Variants in PEX5L observed in about 807,000 individuals in gnomAD.
PEX5L encodes the protein peroxisomal biogenesis factor 5 like, also known as PEX5-related protein.
PEX5L carries 30 observed loss-of-function variants against 84.0 expected under a neutral mutation model. The observed-to-expected ratio is 0.36, with a 90% CI of 0.27 to 0.48. The LOEUF (loss-of-function observed/expected upper bound fraction) is 0.48. PEX5L is among the 20% of genes least tolerant of loss of function. The pLI is 0.99. For missense variants in PEX5L, 533 were observed against 754.6 expected, an observed-to-expected ratio of 0.71 and a Z score of 3.44; for synonymous variants, 270 against 283.1, an observed-to-expected ratio of 0.95 and a Z score of 0.46.
At chr3:179,986,184 CTTTATG>C (rs2110349036) in intron 1 of PEX5L, among the ~76,000 whole-genome samples, 1 of 130,266 alleles carries the variant, frequency 7.7e-6, no homozygotes, top group African/African-American at 2.8e-5. Context: ...ATATATATAA[CTTTATG>C]TTTATGCAAT....
intron 14 of PEX5L, 57 bp from the exon 15 acceptor site, chr3:179,802,089 T>C (rs1193040942): frequency 1.6e-6 from 2 of 1,260,724 alleles, no homozygotes; most frequent in Non-Finnish European, 2.3e-6. Context: ...TTAGCAAATG[T>C]AAACAAAACA....
chr3:179,937,147 C>T (rs1165339161), intron 2 of PEX5L, among the ~76,000 whole-genome samples: 1 of 152,032 alleles, frequency 6.6e-6, no homozygotes, highest in Admixed American at 6.5e-5. Context: ...CCTTAAGGAG[C>T]TTCAGGCCAT....
intron 2 of PEX5L, among the ~76,000 whole-genome samples, chr3:179,940,354 G>T (rs2109786309): frequency 1.3e-5 from 2 of 152,184 alleles, no homozygotes; most frequent in South Asian, 4.2e-4. Flanking sequence ...AGAGAGAAGA[G>T]TGAAATTGAA....
intron 3 of PEX5L, among the ~76,000 whole-genome samples, chr3:179,889,777 A>G (rs1757043275): frequency 6.6e-6 from 1 of 152,134 alleles, no homozygotes; most frequent in South Asian, 2.1e-4. Context: ...AATATTTTTA[A>G]ATGTTGAGGG....
chr3:179,822,902 C>A (rs1318625247), intron 8 of PEX5L, among the ~76,000 whole-genome samples: 1 of 152,160 alleles, frequency 6.6e-6, no homozygotes, highest in Non-Finnish European at 1.5e-5. Context: ...CTTGGATGGA[C>A]CTGGGTCAAA....
At chr3:180,025,958 G>A (rs977127399) in intron 1 of PEX5L, among the ~76,000 whole-genome samples, 1 of 152,122 alleles carries the variant, frequency 6.6e-6, no homozygotes, top group Non-Finnish European at 1.5e-5. Flanking sequence ...GAAAGCGGGG[G>A]TTAGGGAGGA....
intron 2 of PEX5L, among the ~76,000 whole-genome samples, chr3:179,967,944 G>A (rs1783776122): frequency 6.6e-6 from 1 of 152,126 alleles, no homozygotes. Flanking sequence ...AACAGCTAAA[G>A]CTTGAGAACT....
At chr3:179,951,542 A>C (rs1290245635) in intron 2 of PEX5L, among the ~76,000 whole-genome samples, 2 of 152,150 alleles carry the variant, frequency 1.3e-5, no homozygotes, top group African/African-American at 4.8e-5. Flanking sequence ...GCTGCCTCGA[A>C]CTCAGAGATG....
chr3:179,844,351 C>A (rs1459380145), intron 8 of PEX5L, among the ~76,000 whole-genome samples: 2 of 152,318 alleles, frequency 1.3e-5, no homozygotes, highest in African/African-American at 2.4e-5. Context: ...GTATTATTGC[C>A]ACCTGGCTAG....
intron 1 of PEX5L, among the ~76,000 whole-genome samples, chr3:179,986,947 T>C (rs1335530632): frequency 6.6e-6 from 1 of 152,176 alleles, no homozygotes; most frequent in Non-Finnish European, 1.5e-5. Context: ...TAGACAAACT[T>C]TCAACTCAAG....
chr3:179,948,551 G>A (rs1436454125), intron 2 of PEX5L, among the ~76,000 whole-genome samples: 1 of 152,196 alleles, frequency 6.6e-6, no homozygotes, highest in Admixed American at 6.5e-5. Context: ...AATACAATTA[G>A]ACGTGTGGAT....
At chr3:179,817,326 C>A (rs548075861) in intron 9 of PEX5L, among the ~76,000 whole-genome samples, 1 of 152,092 alleles carries the variant, frequency 6.6e-6, no homozygotes, top group African/African-American at 2.4e-5. Flanking sequence ...GCTTAGGCCT[C>A]GCTTAGTTTT....
chr3:179,920,784 C>G (rs768234986), intron 2 of PEX5L, among the ~76,000 whole-genome samples: 4 of 152,100 alleles, frequency 2.6e-5, no homozygotes, highest in African/African-American at 7.2e-5. Context: ...CTAAAAGACT[C>G]CTTGGCACTT....
intron 8 of PEX5L, among the ~76,000 whole-genome samples, chr3:179,856,031 T>C (rs142653194): frequency 1.8e-4 from 27 of 152,366 alleles, no homozygotes; most frequent in African/African-American, 5.8e-4. Context: ...GCTTTGCAAC[T>C]TGCTAAACTT....
chr3:179,900,335 T>C (rs1432521482), intron 2 of PEX5L, among the ~76,000 whole-genome samples: 1 of 152,170 alleles, frequency 6.6e-6, no homozygotes, highest in Admixed American at 6.6e-5. Context: ...TGTTACAAGG[T>C]ATAATTTAAT....
chr3:180,021,340 A>G (rs1451695223), intron 1 of PEX5L, among the ~76,000 whole-genome samples: 1 of 152,158 alleles, frequency 6.6e-6, no homozygotes, highest in Admixed American at 6.5e-5. Context: ...CTTATAAGTC[A>G]TATATTATTG....
Position 179,920,246 on chromosome 3 carries a change from G to A in PEX5L, c.94-22000C>T, listed in dbSNP as rs536440341. 5.5e-3 allele frequency among the ~76,000 whole-genome samples: 836 copies of A among 152,226 alleles called. 2 individuals are homozygous for A. Among genetic ancestry groups the A allele is most frequent in the Non-Finnish European group, 8.5e-3 (579 of 68,022 alleles). On this transcript the variant is annotated intron_variant, in intron 2 of 14. Transcript: ENST00000467460. ...ATCTCTCTTCCCAATCAGAACCAGC[G>A]TGCTCCCTTCCAGGTGGTTTCTCCT...
chr3:180,026,888 T>C (rs1357150620), intron 1 of PEX5L, among the ~76,000 whole-genome samples: 1 of 152,126 alleles, frequency 6.6e-6, no homozygotes, highest in African/African-American at 2.4e-5. Flanking sequence ...AAACTCTCTT[T>C]CTACATTTGG....
intron 7 of PEX5L, among the ~76,000 whole-genome samples, chr3:179,870,182 T>C (rs1033131710): frequency 5.3e-5 from 8 of 152,230 alleles, no homozygotes; most frequent in Non-Finnish European, 7.3e-5. Context: ...CAGTAGATAC[T>C]GACAATTTAT....
Sources: allele counts gnomAD v4.1 joint callset (sites outside exome capture counted in the v4.1 genomes callset), GRCh38; gene constraint gnomAD v4.1.1; transcripts MANE v1.5; gene names NCBI Gene and HGNC (gene_info 2026-07-23, HGNC 2026-07-21).